CBLB: variants seen among roughly 807,000 people sequenced by gnomAD.
The protein encoded by CBLB is E3 ubiquitin-protein ligase CBL-B.
In CBLB, 31 loss-of-function variants were observed where a neutral mutation model predicts 104.9. That is an observed-to-expected ratio of 0.30 (90% CI 0.22 to 0.40). CBLB has a LOEUF of 0.40. Ranked by LOEUF, CBLB falls within the 10% of genes least tolerant of loss-of-function variation. CBLB has a pLI of 1.00. For missense variants in CBLB, 1,062 were observed against 1,214.6 expected, an observed-to-expected ratio of 0.87 and a Z score of 1.87; for synonymous variants, 440 against 422.6, an observed-to-expected ratio of 1.04 and a Z score of -0.51.
At chr3:105,802,472 A>G (rs929886065) in intron 3 of CBLB, among the ~76,000 whole-genome samples, 41 of 152,326 alleles carry the variant, frequency 2.7e-4, no homozygotes, top group African/African-American at 8.4e-4. Context: ...ACATAAGAGA[A>G]AGTTGCATGG....
At chr3:105,773,612 C>T (rs564399389) in intron 4 of CBLB, among the ~76,000 whole-genome samples, 7 of 152,120 alleles carry the variant, frequency 4.6e-5, no homozygotes, top group African/African-American at 9.6e-5. Context: ...CTTTTTTTAA[C>T]GCTAGTAATA....
chr3:105,658,579 G>T lies in CBLB; in HGVS notation c.*391C>A. On this transcript the variant is annotated 3_prime_UTR_variant, in exon 19 of 19. Transcript: ENST00000394030. ...GAAATGTTACAGCAGACCTGACCAC[G>T]CTACAAAGGGTCTGTGAAGAACACA... 1 of 283,702 alleles carries T rather than the reference G, an allele frequency of 3.5e-6. No individual in the cohort carries two copies. Among genetic ancestry groups the T allele is most frequent in the Non-Finnish European group, 6.7e-6 (1 of 148,196 alleles). The allele number at this position is 283,702 out of a possible 1,614,324, so 17.6% of individuals were successfully genotyped here.
At chr3:105,683,248 G>A (rs16851436) in intron 14 of CBLB, among the ~76,000 whole-genome samples, 2,005 of 152,202 alleles carry the variant, frequency 0.013, 50 homozygotes, top group African/African-American at 0.045. Context: ...CACTTCTCCT[G>A]ATGTTCCAAA....
At chr3:105,730,110 T>C (rs935464664) in intron 9 of CBLB, among the ~76,000 whole-genome samples, 13 of 152,090 alleles carry the variant, frequency 8.5e-5, no homozygotes, top group African/African-American at 2.6e-4. Context: ...AGAGAAAACA[T>C]GAACCGGGGA....
chr3:105,819,725 T>C (rs111589858), intron 3 of CBLB, among the ~76,000 whole-genome samples: 2,190 of 152,272 alleles, frequency 0.014, 23 homozygotes, highest in Non-Finnish European at 0.022. Flanking sequence ...CTGTCTTACA[T>C]AGAGAGTCTC....
In CBLB at chr3:105,834,781, A is replaced by C. The variant is rs377118425; in HGVS notation, c.419+18633T>G. On this transcript the variant is annotated intron_variant, in intron 3 of 18. Transcript: ENST00000394030. ...AACAAAATATGAAGGACTAGGTTAA[A>C]CTCCGACAATAAGAGCACAGATTTA... Among the ~76,000 whole-genome samples, 14 of 152,330 alleles carry C rather than the reference A, an allele frequency of 9.2e-5. No individual in the cohort carries two copies. The South Asian group carries it at 2.9e-3, about 32-fold the overall frequency.
At chr3:105,861,660 C>A (rs1412621695) in intron 2 of CBLB, among the ~76,000 whole-genome samples, 1 of 149,880 alleles carries the variant, frequency 6.7e-6, no homozygotes, top group Non-Finnish European at 1.5e-5. Context: ...AATCTTTGAA[C>A]CTCTCCTATG....
At chr3:105,665,177 T>C (rs1339929123) in intron 18 of CBLB, among the ~76,000 whole-genome samples, 1 of 151,854 alleles carries the variant, frequency 6.6e-6, no homozygotes, top group Non-Finnish European at 1.5e-5. Context: ...CTGAGGCAGG[T>C]GGATCACCTG....
chr3:105,868,286 G>A, intron 1 of CBLB: 1 of 1,143,626 alleles, frequency 8.7e-7, no homozygotes, highest in Non-Finnish European at 1.1e-6. Flanking sequence ...CGGAAAGGAG[G>A]AGTTCACTTC....
At chr3:105,862,628 A>AGT (rs1031946172) in intron 2 of CBLB, among the ~76,000 whole-genome samples, 1 of 152,188 alleles carries the variant, frequency 6.6e-6, no homozygotes, top group African/African-American at 2.4e-5. Flanking sequence ...AGCTTTACAG[A>AGT]GTCAAGTAAG....
At chr3:105,722,069 A>G (rs1298917771) in intron 9 of CBLB, among the ~76,000 whole-genome samples, 2 of 151,868 alleles carry the variant, frequency 1.3e-5, no homozygotes, top group African/African-American at 4.8e-5. Flanking sequence ...GTGTTGTGAT[A>G]CACACCTGAA....
At chr3:105,852,327 A>G (rs2091043030) in intron 3 of CBLB, among the ~76,000 whole-genome samples, 1 of 152,174 alleles carries the variant, frequency 6.6e-6, no homozygotes, top group Non-Finnish European at 1.5e-5. Flanking sequence ...AATAATATTG[A>G]TGATCCTGAC....
intron 3 of CBLB, among the ~76,000 whole-genome samples, chr3:105,823,012 A>G (rs940976782): frequency 5.9e-5 from 9 of 152,160 alleles, no homozygotes; most frequent in African/African-American, 2.2e-4. Flanking sequence ...TGTTTATAGA[A>G]TCCGTTCAAT....
chr3:105,800,079 T>C (rs1013146453), intron 3 of CBLB, among the ~76,000 whole-genome samples: 3 of 152,176 alleles, frequency 2.0e-5, no homozygotes, highest in African/African-American at 7.2e-5. Context: ...TGAGTTCTAG[T>C]TGTGGTTCTG....
intron 3 of CBLB, among the ~76,000 whole-genome samples, chr3:105,787,306 C>T (rs1231266805): frequency 1.3e-5 from 2 of 152,098 alleles, no homozygotes; most frequent in African/African-American, 4.8e-5. Context: ...AATAACAAGG[C>T]TAATTAAGGA....
intron 10 of CBLB, among the ~76,000 whole-genome samples, chr3:105,711,963 C>T (rs778935057): frequency 3.9e-5 from 6 of 152,098 alleles, no homozygotes; most frequent in Non-Finnish European, 7.4e-5. Flanking sequence ...GAGCTGATTT[C>T]TCTTTGAGGT....
chr3:105,750,087 C>T (rs2076460675), intron 5 of CBLB, among the ~76,000 whole-genome samples: 2 of 151,062 alleles, frequency 1.3e-5, no homozygotes, highest in Admixed American at 1.3e-4. Context: ...GACACGATAT[C>T]AGCTCACTGC....
chr3:105,686,949 T>A (rs2067082744), intron 13 of CBLB, among the ~76,000 whole-genome samples: 1 of 152,122 alleles, frequency 6.6e-6, no homozygotes, highest in Admixed American at 6.5e-5. Flanking sequence ...GAGGATTTAC[T>A]TTCCAATTAA....
At chr3:105,709,738 A>G (rs1336662230) in intron 10 of CBLB, among the ~76,000 whole-genome samples, 29 of 151,928 alleles carry the variant, frequency 1.9e-4, no homozygotes, top group Admixed American at 1.9e-3. Context: ...GTTTTTAAGG[A>G]AAGAATCATA....
Sources: gnomAD v4.1 joint callset for allele counts (sites outside exome capture counted in the v4.1 genomes callset) on GRCh38, gnomAD v4.1.1 for gene constraint, MANE v1.5 for transcripts, NCBI Gene and HGNC (gene_info 2026-07-23, HGNC 2026-07-21) for gene names.